The following SLX4IP variants were observed in gnomAD, a reference collection of about 807,000 sequenced individuals.
SLX4IP encodes the protein protein SLX4IP.
SLX4IP carries 34 observed loss-of-function variants against 32.9 expected under a neutral mutation model. That is an observed-to-expected ratio of 1.03 (90% CI 0.79 to 1.38). SLX4IP has a LOEUF of 1.38. SLX4IP is among the 40% of genes most tolerant of loss of function. The pLI is 0.00. For missense variants in SLX4IP, 444 were observed against 479.0 expected, an observed-to-expected ratio of 0.93 and a Z score of 0.68; for synonymous variants, 172 against 171.7, an observed-to-expected ratio of 1.00 and a Z score of -0.01.
At position 10,458,210 on chromosome 20, in the gene SLX4IP, A is replaced by G. The variant is rs2065304416; in HGVS notation, c.6A>G (p.Ala2=). 6.9e-6 allele frequency: 11 copies of G among 1,590,222 alleles called. No homozygotes were observed. Among genetic ancestry groups the G allele is most frequent in the Non-Finnish European group, 9.4e-6 (11 of 1,172,464 alleles). Residue 2 remains alanine, a synonymous_variant, in exon 2 of 8, where the codon GCA becomes GCG. Transcript: ENST00000334534. M[A]SKKFAVKCGN... ...TACTGTGGAATCAATAAGCCATGGC[A>G]TCTAAGAAATTTGCTGTTAAAGTAA...
chr20:10,548,132 G>A (rs1416460081), intron 2 of SLX4IP, among the ~76,000 whole-genome samples: 1 of 152,200 alleles, frequency 6.6e-6, no homozygotes, highest in African/African-American at 2.4e-5. Context: ...AGAGAAAGGA[G>A]GTGGTTCAAC....
intron 2 of SLX4IP, among the ~76,000 whole-genome samples, chr20:10,514,505 A>T (rs2065834324): frequency 6.6e-6 from 1 of 152,246 alleles, no homozygotes; most frequent in Non-Finnish European, 1.5e-5. Context: ...TGGTCAGATT[A>T]TGCTGAAGTT....
chr20:10,493,517 A>T (rs1015782074), intron 2 of SLX4IP, among the ~76,000 whole-genome samples: 3 of 152,062 alleles, frequency 2.0e-5, no homozygotes, highest in Admixed American at 2.0e-4. Context: ...TATAGTCAAC[A>T]TCTACAGATA....
chr20:10,534,816 C>A (rs1414723736), intron 2 of SLX4IP, among the ~76,000 whole-genome samples: 1 of 152,120 alleles, frequency 6.6e-6, no homozygotes, highest in African/African-American at 2.4e-5. Context: ...TGTAGGAGAC[C>A]ACATAGGTTA....
intron 2 of SLX4IP, among the ~76,000 whole-genome samples, chr20:10,509,117 C>G (rs1026703533): frequency 3.3e-5 from 5 of 152,208 alleles, no homozygotes; most frequent in African/African-American, 1.2e-4. Flanking sequence ...CCCTGTGATT[C>G]TACCCACAAC....
chr20:10,501,149 A>G (rs150782155), intron 2 of SLX4IP, among the ~76,000 whole-genome samples: 295 of 152,342 alleles, frequency 1.9e-3, no homozygotes, highest in South Asian at 6.4e-3. Context: ...TGTACTTACA[A>G]TGATGATGGC....
At chr20:10,571,139 AC>A (rs1331294061) in intron 4 of SLX4IP, among the ~76,000 whole-genome samples, 4 of 152,002 alleles carry the variant, frequency 2.6e-5, no homozygotes, top group Admixed American at 1.3e-4. Context: ...GGCCTGCATC[AC>A]CCTTTTTTAT....
rs185589142 is a variant in SLX4IP, at chr20:10,602,349, C to A, written c.405+530C>A. On this transcript the variant is annotated intron_variant, in intron 6 of 7. Coordinates refer to ENST00000334534, the MANE Select transcript of SLX4IP (RefSeq NM_001009608.3). ...GTCTCTCTGTCTCCTTCTCTGTCTC[C>A]CTTTTCTCATGCTAAGTCTTGAGTT... 2.5e-3 allele frequency among the ~76,000 whole-genome samples: 376 copies of A among 151,954 alleles called. 9 individuals carry two copies. Among genetic ancestry groups the A allele is most frequent in the Admixed American group, 0.023 (345 of 15,264 alleles).
intron 2 of SLX4IP, among the ~76,000 whole-genome samples, chr20:10,471,799 C>G (rs2065427020): frequency 6.6e-6 from 1 of 152,152 alleles, no homozygotes; most frequent in Non-Finnish European, 1.5e-5. Flanking sequence ...GGTTACTGAC[C>G]AGGCTACAAA....
At chr20:10,545,465 C>G (rs1233487040) in intron 2 of SLX4IP, among the ~76,000 whole-genome samples, 1 of 152,166 alleles carries the variant, frequency 6.6e-6, no homozygotes, top group Non-Finnish European at 1.5e-5. Context: ...ATACACAGTA[C>G]TCATTCTGTG....
At chr20:10,539,391 T>C (rs75097563) in intron 2 of SLX4IP, among the ~76,000 whole-genome samples, 4,396 of 152,274 alleles carry the variant, frequency 0.029, 108 homozygotes, top group Admixed American at 0.09. Context: ...TCACAAAGCG[T>C]GAGTTGCTCT....
intron 2 of SLX4IP, among the ~76,000 whole-genome samples, chr20:10,518,363 C>G (rs957404152): frequency 6.6e-6 from 1 of 151,532 alleles, no homozygotes; most frequent in Non-Finnish European, 1.5e-5. Context: ...CTCTTTCTTT[C>G]TTTCTCTCTC....
chr20:10,502,917 G>A (rs1340331911), intron 2 of SLX4IP, among the ~76,000 whole-genome samples: 6 of 152,112 alleles, frequency 3.9e-5, no homozygotes, highest in African/African-American at 1.4e-4. Flanking sequence ...TAGAGAATTT[G>A]CCAGTAGTAT....
intron 4 of SLX4IP, among the ~76,000 whole-genome samples, chr20:10,571,767 C>T (rs1471417613): frequency 1.3e-5 from 2 of 152,168 alleles, no homozygotes; most frequent in Non-Finnish European, 2.9e-5. Context: ...GCTCACAGGT[C>T]CCATTTTCTT....
At chr20:10,466,187 T>G (rs980474106) in intron 2 of SLX4IP, among the ~76,000 whole-genome samples, 2 of 152,210 alleles carry the variant, frequency 1.3e-5, no homozygotes, top group Non-Finnish European at 2.9e-5. Context: ...TCAGGAAAGT[T>G]TATGTGTCCA....
At chr20:10,579,115 A>G (rs931747848) in intron 4 of SLX4IP, among the ~76,000 whole-genome samples, 1 of 152,062 alleles carries the variant, frequency 6.6e-6, no homozygotes, top group Non-Finnish European at 1.5e-5. Flanking sequence ...TGTGCTTTTG[A>G]TATCATATCT....
intron 6 of SLX4IP, among the ~76,000 whole-genome samples, chr20:10,618,884 C>T (rs1256644209): frequency 7.5e-6 from 1 of 132,954 alleles, no homozygotes; most frequent in Non-Finnish European, 1.5e-5. Context: ...TTTAGGAAAT[C>T]CTGTTCCCAG....
chr20:10,603,116 T>C (rs2122551427), intron 6 of SLX4IP, among the ~76,000 whole-genome samples: 1 of 152,364 alleles, frequency 6.6e-6, no homozygotes, highest in African/African-American at 2.4e-5. Flanking sequence ...ATCTAAAATA[T>C]AATATAGCTT....
intron 2 of SLX4IP, among the ~76,000 whole-genome samples, chr20:10,507,027 G>GCCAC: frequency 6.6e-6 from 1 of 152,278 alleles, no homozygotes; most frequent in East Asian, 1.9e-4. Context: ...GTGTGGTGGG[G>GCCAC]CGGTGAGAAC....
Sources: allele counts gnomAD v4.1 joint callset (sites outside exome capture counted in the v4.1 genomes callset), GRCh38; gene constraint gnomAD v4.1.1; transcripts MANE v1.5; gene names NCBI Gene and HGNC (gene_info 2026-07-23, HGNC 2026-07-21).